The following PSMC3IP variants were observed in gnomAD, a reference collection of about 807,000 sequenced individuals.
The protein encoded by PSMC3IP is PSMC3 interacting protein.
In PSMC3IP, 26 loss-of-function variants were observed where a neutral mutation model predicts 34.9. The observed-to-expected ratio is 0.74, with a 90% CI of 0.55 to 1.03. The LOEUF (loss-of-function observed/expected upper bound fraction) is 1.03, where lower values mean the gene tolerates loss of function less well. Among genes scored for constraint, PSMC3IP ranks in the 50% least tolerant of loss-of-function variants. The probability of loss-of-function intolerance (pLI) is 0.00; values close to 1 mark genes in which losing one functional copy is unlikely to be tolerated. For synonymous variants in PSMC3IP, 87 were observed against 96.5 expected, an observed-to-expected ratio of 0.90 and a Z score of 0.57; for missense variants, 250 against 263.1, an observed-to-expected ratio of 0.95 and a Z score of 0.34.
Position 42,572,492 on chromosome 17 carries a change from A to ATACTT in PSMC3IP, c.*471_*475dup, listed in dbSNP as rs1555626429. The ATACTT allele has an allele frequency of 3.1e-4, 139 of 454,372 alleles. 1 individual carries two copies. The highest frequency in any genetic ancestry group is 2.5e-3 in the African/African-American group (125 of 49,994). The allele number at this position is 454,372 out of a possible 1,614,324, so 28.1% of individuals were successfully genotyped here. On this transcript the variant is annotated 3_prime_UTR_variant, in exon 8 of 8. Coordinates refer to ENST00000393795, the MANE Select transcript of PSMC3IP (RefSeq NM_016556.4). Reference sequence around the variant, plus strand: ...GGGTGGGGTGAAAAGCGTACAAAAGATACTTAAAAGGGCTCCTGGGGTACA... The same window carrying ATACTT: ...GGGTGGGGTGAAAAGCGTACAAAAGATACTTTACTTAAAAGGGCTCCTGGGGTACA...
rs1298921661 is a variant in PSMC3IP, at chr17:42,577,318, G to A, written c.136-16C>T. Reference sequence around the variant, plus strand: ...TCACCACCACCTGGCAGAGGAGAGAGAAGGAGCAATCAGAGGAGTCTGAGC... The same window carrying A: ...TCACCACCACCTGGCAGAGGAGAGAAAAGGAGCAATCAGAGGAGTCTGAGC... On this transcript the variant is annotated splice_polypyrimidine_tract_variant and intron_variant, in intron 2 of 7. Transcript: ENST00000393795. 6.2e-7 allele frequency: 1 copy of A among 1,613,500 alleles called. No individual in the cohort carries two copies. Among genetic ancestry groups the A allele is most frequent in the East Asian group, 2.2e-5 (1 of 44,884 alleles).
intron 3 of PSMC3IP, chr17:42,576,881 G>C (rs556632576): frequency 3.9e-4 from 148 of 376,494 alleles, no homozygotes; most frequent in African/African-American, 3.0e-3. Context: ...ATATAAATTT[G>C]ATATGTGTGT....
At chr17:42,574,617 G>A (rs539286618) in intron 3 of PSMC3IP, among the ~76,000 whole-genome samples, 1 of 152,184 alleles carries the variant, frequency 6.6e-6, no homozygotes, top group South Asian at 2.1e-4. Context: ...GGGATGGATG[G>A]ACTTCTTTTC....
Position 42,574,129 on chromosome 17 carries a change from A to G in PSMC3IP, c.307T>C (p.Leu103=). 1.2e-6 allele frequency: 2 copies of G among 1,614,204 alleles called. No individual in the cohort carries two copies. The highest frequency in any genetic ancestry group is 1.7e-6 in the Non-Finnish European group (2 of 1,180,032). The part of the protein sequence containing the change: ...IVALTAKVQS[L]QQSCRYMEAE... ...TCCATGTAGCGGCAGCTCTGCTGCA[A>G]GCTCTGCACCTTAGCAGTGAGGGCC... The change falls in exon 4 of 8, where the codon TTG becomes CTG. Residue 103 remains leucine, a synonymous_variant. Coordinates refer to ENST00000393795, the MANE Select transcript of PSMC3IP (RefSeq NM_016556.4).
chr17:42,574,864 A>C (rs1007965547), intron 3 of PSMC3IP, among the ~76,000 whole-genome samples: 5 of 151,864 alleles, frequency 3.3e-5, no homozygotes, highest in East Asian at 1.9e-4. Context: ...AGCGATTCTC[A>C]TGCCTCAGCC....
At position 42,574,122 on chromosome 17, in the gene PSMC3IP, T is replaced by C. The variant is rs749901468; in HGVS notation, c.314A>G (p.Gln105Arg). The stretch of plus-strand genomic sequence containing the variant: ...ACCAGCCTCCATGTAGCGGCAGCTC[T>C]GCTGCAAGCTCTGCACCTTAGCAGT... ...ALTAKVQSLQ[Q>R]SCRYMEAELK... is the part of the protein sequence containing the mutation. The change falls in exon 4 of 8, where the codon CAG becomes CGG. Residue 105 changes from glutamine (Q) to arginine (R), a missense_variant. Transcript: ENST00000393795. 1 of 1,614,194 alleles carries C rather than the reference T, an allele frequency of 6.2e-7. No individual in the cohort carries two copies. Among genetic ancestry groups the C allele is most frequent in the Non-Finnish European group, 8.5e-7 (1 of 1,180,040 alleles).
chr17:42,574,481 C>T, intron 3 of PSMC3IP: 4 of 958,388 alleles, frequency 4.2e-6, no homozygotes, highest in Non-Finnish European at 5.6e-6. Context: ...AGAAATCTTC[C>T]CATTTAGTGA....
chr17:42,574,432 G>C, intron 3 of PSMC3IP: 1 of 1,240,478 alleles, frequency 8.1e-7, no homozygotes, highest in Non-Finnish European at 1.1e-6. Flanking sequence ...TCTAATGCTT[G>C]TCCTTAAGCT....
chr17:42,573,032 A>G lies in PSMC3IP; in HGVS notation c.598-8T>C. On this transcript the variant is annotated splice_region_variant and splice_polypyrimidine_tract_variant and intron_variant, in intron 7 of 7. Transcript: ENST00000393795. ...CTCTATCCCAACTTCCTCCTGTGAG[A>G]CAGGGAGACAAGTGAATGAGATGTC... 1 of 1,614,232 alleles carries G rather than the reference A, an allele frequency of 6.2e-7. No individual in the cohort carries two copies. Among genetic ancestry groups the G allele is most frequent in the South Asian group, 1.1e-5 (1 of 91,088 alleles).
rs1345385249 is a variant in PSMC3IP, at chr17:42,572,396, C to G, written c.*572G>C. 1 of 454,652 alleles carries G rather than the reference C, an allele frequency of 2.2e-6. No individual in the cohort carries two copies. The highest frequency in any genetic ancestry group is 1.6e-5 in the South Asian group (1 of 64,480). The allele number at this position is 454,652 out of a possible 1,614,324, so 28.2% of individuals were successfully genotyped here. A position where few individuals can be genotyped will look rare whatever the true frequency, so the allele number is the denominator to read the frequency against. On this transcript the variant is annotated 3_prime_UTR_variant, in exon 8 of 8. Coordinates refer to ENST00000393795, the MANE Select transcript of PSMC3IP (RefSeq NM_016556.4). Reference sequence around the variant, plus strand: ...TGAAATATTAACTGAGCCTCAAAATCACCCTTTCTGTCAAGCATATCTTGG... The same window carrying G: ...TGAAATATTAACTGAGCCTCAAAATGACCCTTTCTGTCAAGCATATCTTGG...
intron 4 of PSMC3IP, 125 bp from the exon 5 acceptor site, chr17:42,573,748 A>G: frequency 6.6e-7 from 1 of 1,510,738 alleles, no homozygotes; most frequent in Non-Finnish European, 8.9e-7. Context: ...AAACTAAGCC[A>G]TACAGGATTA....
chr17:42,573,893 AG>A lies in PSMC3IP; in HGVS notation c.337+205del, dbSNP rs1240088321. On this transcript the variant is annotated intron_variant, in intron 4 of 7. Coordinates refer to ENST00000393795, the MANE Select transcript of PSMC3IP (RefSeq NM_016556.4). The stretch of plus-strand genomic sequence containing the variant: ...GGGACAGTGTACTGATAATCGTGGC[AG>A]GGAGAACAAATGCGTATCTTGTCCA... 3 of 1,531,632 alleles carry A rather than the reference AG, an allele frequency of 2.0e-6. No homozygotes were observed. In the African/African-American group the frequency reaches 4.1e-5, roughly 21 times the overall value. The allele number at this position is 1,531,632 out of a possible 1,614,324, so 94.9% of individuals were successfully genotyped here. A position where few individuals can be genotyped will look rare whatever the true frequency, so the allele number is the denominator to read the frequency against.
At chr17:42,577,760 G>C (rs1410083750), upstream of PSMC3IP, 4 of 1,584,176 alleles carry the variant, frequency 2.5e-6, no homozygotes, top group Admixed American at 5.0e-5. Flanking sequence ...CCGGCGACGG[G>C]GGCGGGCCTC....
rs768597835 is a variant in PSMC3IP at position 42,572,908 on chromosome 17, T to G, written c.*60A>C. 1 of 1,586,632 alleles carries G rather than the reference T, an allele frequency of 6.3e-7. No homozygotes were observed. Among genetic ancestry groups the G allele is most frequent in the Admixed American group, 1.7e-5 (1 of 59,990 alleles). ...AGCCAACCAAAAACAAGGTAGCCAGTGCAAGACATCTCACTCTTCTGACAT... is the reference window on the plus strand; with the variant it reads ...AGCCAACCAAAAACAAGGTAGCCAGGGCAAGACATCTCACTCTTCTGACAT... On this transcript the variant is annotated 3_prime_UTR_variant, in exon 8 of 8. Transcript: ENST00000393795.
At position 42,573,602 on chromosome 17, in the gene PSMC3IP, GCA is replaced by G. The variant is rs1171460765; in HGVS notation, c.357_358del (p.Ala120ProfsTer28). 7 of 1,613,980 alleles carry G rather than the reference GCA, an allele frequency of 4.3e-6. No individual in the cohort carries two copies. The highest frequency in any genetic ancestry group is 5.1e-6 in the Non-Finnish European group (6 of 1,179,998). On this transcript the variant is annotated frameshift_variant, in exon 5 of 8. Coordinates refer to ENST00000393795, the MANE Select transcript of PSMC3IP (RefSeq NM_016556.4). LOFTEE classifies it high-confidence loss of function. Reference sequence around the variant, plus strand: ...TTTCTGCATCTCTGGTGTGGTCAGGGCACTAGATAATTCCTTGAGCTCTGAAA... The same window carrying G: ...TTTCTGCATCTCTGGTGTGGTCAGGGCTAGATAATTCCTTGAGCTCTGAAA...
chr17:42,575,110 G>A (rs949350005), intron 3 of PSMC3IP, among the ~76,000 whole-genome samples: 3 of 152,266 alleles, frequency 2.0e-5, no homozygotes, highest in East Asian at 1.9e-4. Context: ...TCTCATGAGG[G>A]GCCATTGCTA....
intron 3 of PSMC3IP, 180 bp downstream of exon 3, chr17:42,577,033 A>C: frequency 8.4e-6 from 12 of 1,429,224 alleles, no homozygotes; most frequent in Non-Finnish European, 1.1e-5. Flanking sequence ...CATATTGTAA[A>C]TCTGGAAACC....
chr17:42,577,528 T>C lies in PSMC3IP; in HGVS notation c.68A>G (p.Gln23Arg). 6.2e-7 allele frequency: 1 copy of C among 1,614,206 alleles called. No homozygotes were observed. The highest frequency in any genetic ancestry group is 8.5e-7 in the Non-Finnish European group (1 of 1,180,040). ...AGILLRYLQE[Q>R]NRPYSSQDVF... Reference sequence around the variant, plus strand: ...ATCCTGGGAGCTGTAGGGCCGGTTCTGCTCCTGCAGGTACCTCAGGAGGAT... The same window carrying C: ...ATCCTGGGAGCTGTAGGGCCGGTTCCGCTCCTGCAGGTACCTCAGGAGGAT... The change falls in exon 2 of 8, where the codon CAG becomes CGG. Residue 23 changes from glutamine to arginine, a missense_variant. By Grantham distance (43) the Gln-to-Arg change is conservative. Coordinates refer to ENST00000393795, the MANE Select transcript of PSMC3IP (RefSeq NM_016556.4).
rs758029474 is a variant in PSMC3IP at position 42,572,897 on chromosome 17, A to AAGGT, written c.*67_*70dup. On this transcript the variant is annotated 3_prime_UTR_variant, in exon 8 of 8. Coordinates refer to ENST00000393795, the MANE Select transcript of PSMC3IP (RefSeq NM_016556.4). Reference sequence around the variant, plus strand: ...ACAACAACAAAAGCCAACCAAAAACAAGGTAGCCAGTGCAAGACATCTCAC... The same window carrying AAGGT: ...ACAACAACAAAAGCCAACCAAAAACAAGGTAGGTAGCCAGTGCAAGACATCTCAC... 1 of 1,562,304 alleles carries AAGGT rather than the reference A, an allele frequency of 6.4e-7. No individual in the cohort carries two copies. The highest frequency in any genetic ancestry group is 1.1e-5 in the South Asian group (1 of 89,742).
Sources: allele counts gnomAD v4.1 joint callset (sites outside exome capture counted in the v4.1 genomes callset), GRCh38; gene constraint gnomAD v4.1.1; transcripts MANE v1.5; gene names NCBI Gene and HGNC (gene_info 2026-07-23, HGNC 2026-07-21).